MRLN: variants seen among roughly 807,000 people sequenced by gnomAD.
MRLN encodes Linc-RNA activator of myogenesis.
intron 1 of MRLN, among the ~76,000 whole-genome samples, chr10:59,751,067 C>G (rs1841098246): frequency 6.6e-6 from 1 of 152,206 alleles, no homozygotes; most frequent in Non-Finnish European, 1.5e-5. Context: ...GCAACACACA[C>G]TCCTTGGTAT....
intron 1 of MRLN, among the ~76,000 whole-genome samples, chr10:59,740,344 G>A (rs529570175): frequency 6.6e-6 from 1 of 152,224 alleles, no homozygotes; most frequent in Admixed American, 6.5e-5. Context: ...ATTTTAGAGT[G>A]CACTCCTTGT....
rs1048311533 is a variant in MRLN at position 59,740,916 on chromosome 10, G to A, written c.-124-2354C>T. On this transcript the variant is annotated intron_variant, in intron 1 of 2. Coordinates refer to ENST00000414264, the MANE Select transcript of MRLN (RefSeq NM_001304731.2). ...GGATTCATGCAATTCTCCTGCCTCA[G>A]CCTCCCGAGTAGCTGAGATTACAGG... Among the ~76,000 whole-genome samples the A allele has an allele frequency of 2.0e-5, 3 of 151,860 alleles. 1 individual carries two copies. The East Asian group carries it at 5.8e-4, about 29-fold the overall frequency.
chr10:59,747,639 T>C (rs1218827802), intron 1 of MRLN, among the ~76,000 whole-genome samples: 1 of 152,200 alleles, frequency 6.6e-6, no homozygotes, highest in Non-Finnish European at 1.5e-5. Flanking sequence ...CAATCTGACT[T>C]CCTTAGACAG....
At chr10:59,739,926 T>C (rs1478930855) in intron 1 of MRLN, among the ~76,000 whole-genome samples, 1 of 151,996 alleles carries the variant, frequency 6.6e-6, no homozygotes, top group African/African-American at 2.4e-5. Flanking sequence ...ACCCTGTCTA[T>C]ACTAAAAATA....
At chr10:59,745,859 T>A (rs1841038448) in intron 1 of MRLN, among the ~76,000 whole-genome samples, 1 of 151,940 alleles carries the variant, frequency 6.6e-6, no homozygotes, top group African/African-American at 2.4e-5. Flanking sequence ...CCAGGGACCA[T>A]AAGAACAATG....
chr10:59,749,742 A>G (rs1036526650), intron 1 of MRLN, among the ~76,000 whole-genome samples: 1 of 152,078 alleles, frequency 6.6e-6, no homozygotes, highest in African/African-American at 2.4e-5. Flanking sequence ...GCTGCCTGAC[A>G]CTCAATAAAT....
chr10:59,748,718 T>G (rs549970223), intron 1 of MRLN, among the ~76,000 whole-genome samples: 13 of 152,222 alleles, frequency 8.5e-5, no homozygotes, highest in African/African-American at 2.9e-4. Flanking sequence ...CAGTGACTTT[T>G]TCCAAAGCTA....
chr10:59,751,595 G>A (rs955938038), intron 1 of MRLN, among the ~76,000 whole-genome samples: 8 of 150,814 alleles, frequency 5.3e-5, no homozygotes, highest in African/African-American at 9.8e-5. Context: ...ACTTGAGCCT[G>A]GGAGGTGGAG....
chr10:59,739,915 C>T (rs1019588951), intron 1 of MRLN, among the ~76,000 whole-genome samples: 23 of 151,894 alleles, frequency 1.5e-4, no homozygotes, highest in African/African-American at 5.3e-4. Flanking sequence ...AAGATGGTGA[C>T]ACCCTGTCTA....
chr10:59,743,835 T>C (rs978128143), intron 1 of MRLN, among the ~76,000 whole-genome samples: 17 of 152,148 alleles, frequency 1.1e-4, no homozygotes, highest in Admixed American at 2.0e-4. Flanking sequence ...TGACTGGTTT[T>C]CGTATTTTTT....
chr10:59,742,392 AC>A (rs1840992988), intron 1 of MRLN, among the ~76,000 whole-genome samples: 1 of 152,214 alleles, frequency 6.6e-6, no homozygotes, highest in Non-Finnish European at 1.5e-5. Flanking sequence ...ATTTATATAA[AC>A]TAGAAAAATA....
intron 2 of MRLN, among the ~76,000 whole-genome samples, chr10:59,737,708 GTTAC>G (rs964624970): frequency 1.3e-5 from 2 of 151,066 alleles, no homozygotes; most frequent in Admixed American, 6.6e-5. Context: ...TCATGTTTTG[GTTAC>G]TTACTAAGAC....
At chr10:59,742,863 G>T (rs1840999445) in intron 1 of MRLN, among the ~76,000 whole-genome samples, 1 of 151,928 alleles carries the variant, frequency 6.6e-6, no homozygotes, top group Non-Finnish European at 1.5e-5. Flanking sequence ...TGAGTAGCTG[G>T]GGCCACAGGC....
chr10:59,740,171 C>CA (rs150387829), intron 1 of MRLN, among the ~76,000 whole-genome samples: 5,742 of 151,936 alleles, frequency 0.038, 178 homozygotes, highest in East Asian at 0.13. Flanking sequence ...TGTCATAGCA[C>CA]AATGCATTAC....
At chr10:59,743,636 A>G (rs1841007353) in intron 1 of MRLN, among the ~76,000 whole-genome samples, 2 of 152,128 alleles carry the variant, frequency 1.3e-5, no homozygotes, top group Admixed American at 1.3e-4. Context: ...TGGTGCTTGG[A>G]TTTACATTGA....
chr10:59,752,584 G>T (rs910042473), intron 1 of MRLN, among the ~76,000 whole-genome samples: 1 of 152,170 alleles, frequency 6.6e-6, no homozygotes, highest in Admixed American at 6.5e-5. Context: ...GAAGCCTGGT[G>T]CACATGTTCA....
At chr10:59,752,887 A>G (rs1389155149) in intron 1 of MRLN, among the ~76,000 whole-genome samples, 6 of 152,136 alleles carry the variant, frequency 3.9e-5, no homozygotes, top group Non-Finnish European at 8.8e-5. Context: ...AACCTATAAC[A>G]AGGGGGAAAA....
At chr10:59,750,790 A>G (rs1464236532) in intron 1 of MRLN, among the ~76,000 whole-genome samples, 1 of 152,254 alleles carries the variant, frequency 6.6e-6, no homozygotes, top group Non-Finnish European at 1.5e-5. Flanking sequence ...GCTTCCTCAG[A>G]GAGCCCCAAC....
intron 1 of MRLN, among the ~76,000 whole-genome samples, chr10:59,749,103 C>A (rs1223298776): frequency 6.6e-6 from 1 of 152,208 alleles, no homozygotes. Flanking sequence ...ACCTCAGATG[C>A]CACCTCATCT....
Sources: allele counts gnomAD v4.1 joint callset (sites outside exome capture counted in the v4.1 genomes callset), GRCh38; gene constraint gnomAD v4.1.1; transcripts MANE v1.5; gene names NCBI Gene and HGNC (gene_info 2026-07-23, HGNC 2026-07-21).